KLHL1: variants seen among roughly 807,000 people sequenced by gnomAD.
KLHL1 encodes the protein kelch like family member 1.
KLHL1 carries 47 observed loss-of-function variants against 77.7 expected under a neutral mutation model. That is an observed-to-expected ratio of 0.60 (90% CI 0.48 to 0.77). KLHL1 has a LOEUF of 0.77. Among genes scored for constraint, KLHL1 ranks in the 30% least tolerant of loss-of-function variants. The pLI is 0.00. For synonymous variants in KLHL1, 360 were observed against 325.2 expected (o/e 1.11, Z -1.15); for missense variants, 925 against 910.8 (o/e 1.02, Z -0.20).
At chr13:69,986,318 A>G (rs915328216) in intron 1 of KLHL1, among the ~76,000 whole-genome samples, 10 of 152,064 alleles carry the variant, frequency 6.6e-5, no homozygotes, top group Non-Finnish European at 1.2e-4. Context: ...AAATAGCAAG[A>G]AGAGAGGGTT....
At chr13:69,807,941 C>T (rs1270031361) in intron 6 of KLHL1, among the ~76,000 whole-genome samples, 1 of 152,088 alleles carries the variant, frequency 6.6e-6, no homozygotes, top group Non-Finnish European at 1.5e-5. Flanking sequence ...CTCCTTAGCT[C>T]TGAAGAATAA....
chr13:70,092,655 T>C (rs1323943510), intron 1 of KLHL1, among the ~76,000 whole-genome samples: 1 of 152,190 alleles, frequency 6.6e-6, no homozygotes, highest in Non-Finnish European at 1.5e-5. Context: ...CATTCATACC[T>C]GTAATTAGTT....
At chr13:69,851,454 T>C (rs1291463611) in intron 5 of KLHL1, among the ~76,000 whole-genome samples, 1 of 151,728 alleles carries the variant, frequency 6.6e-6, no homozygotes, top group Non-Finnish European at 1.5e-5. Context: ...TATGAGTTTT[T>C]TGAAAGAAAC....
intron 5 of KLHL1, among the ~76,000 whole-genome samples, chr13:69,870,656 C>T (rs940344877): frequency 6.6e-6 from 1 of 151,846 alleles, no homozygotes; most frequent in African/African-American, 2.4e-5. Context: ...TTATTTATTT[C>T]CAAGATACAA....
chr13:69,945,391 C>T (rs2137246012), intron 3 of KLHL1, among the ~76,000 whole-genome samples: 1 of 150,994 alleles, frequency 6.6e-6, no homozygotes. Flanking sequence ...CCCTGCAAGA[C>T]TGAGCTAAGA....
intron 1 of KLHL1, among the ~76,000 whole-genome samples, chr13:70,027,384 T>C (rs1332902046): frequency 1.3e-4 from 6 of 46,252 alleles, no homozygotes; most frequent in Admixed American, 3.5e-4. Context: ...TGAAAGTGAA[T>C]GTTGTTTTTT....
intron 6 of KLHL1, among the ~76,000 whole-genome samples, chr13:69,830,663 A>G (rs1031645736): frequency 6.7e-6 from 1 of 150,250 alleles, no homozygotes; most frequent in African/African-American, 2.5e-5. Context: ...TCATCAGCAC[A>G]TGGAACATTC....
intron 3 of KLHL1, among the ~76,000 whole-genome samples, chr13:69,941,469 T>C (rs1883364069): frequency 6.6e-6 from 1 of 152,000 alleles, no homozygotes; most frequent in Non-Finnish European, 1.5e-5. Flanking sequence ...GGAAAGTTTA[T>C]AGCGATAAAT....
intron 7 of KLHL1, among the ~76,000 whole-genome samples, chr13:69,744,680 A>AT (rs1000860794): frequency 6.6e-5 from 10 of 151,600 alleles, no homozygotes; most frequent in African/African-American, 1.2e-4. Flanking sequence ...AGCTAACCGT[A>AT]TTTTTTTCAG....
At chr13:69,714,073 C>T (rs926565615) in intron 9 of KLHL1, among the ~76,000 whole-genome samples, 8 of 151,880 alleles carry the variant, frequency 5.3e-5, no homozygotes, top group Non-Finnish European at 7.4e-5. Flanking sequence ...TTTTAAATCC[C>T]CTCCTTAAAA....
In KLHL1 at chr13:69,939,378, T is replaced by TATACACACAC. The variant is rs1200160699; in HGVS notation, c.1014+661_1014+662insGTGTGTGTAT. Among the ~76,000 whole-genome samples, 88 of 70,784 alleles carry TATACACACAC rather than the reference T, an allele frequency of 1.2e-3. 1 individual carries two copies. Among genetic ancestry groups the TATACACACAC allele is most frequent in the Middle Eastern group, 7.9e-3 (1 of 126 alleles). The allele number at this position is 70,784 out of a possible 152,430, so 46.4% of individuals were successfully genotyped here. On this transcript the variant is annotated intron_variant, in intron 4 of 10. Transcript: ENST00000377844. ...ATATATATATATATATATATATATA[T>TATACACACAC]ACACACACACACGCACACACATACA...
intron 6 of KLHL1, among the ~76,000 whole-genome samples, chr13:69,833,365 T>C (rs923437802): frequency 1.3e-5 from 2 of 151,768 alleles, no homozygotes; most frequent in African/African-American, 2.4e-5. Context: ...ATGCTCAACA[T>C]CACTAATGAT....
At chr13:69,968,815 T>A (rs1202339490) in intron 2 of KLHL1, among the ~76,000 whole-genome samples, 2 of 152,060 alleles carry the variant, frequency 1.3e-5, no homozygotes, top group Non-Finnish European at 2.9e-5. Context: ...ATCGAGCCTA[T>A]CATTGTTGGA....
In KLHL1 at chr13:69,910,903, T is replaced by A. The variant is rs73510109; in HGVS notation, c.1015-28408A>T. 7.7e-3 allele frequency among the ~76,000 whole-genome samples: 1,174 copies of A among 152,208 alleles called. 20 individuals are homozygous for A. Among genetic ancestry groups the A allele is most frequent in the African/African-American group, 0.027 (1,122 of 41,558 alleles). On this transcript the variant is annotated intron_variant, in intron 4 of 10. Transcript: ENST00000377844. ...GAAATAAGCAATGAATTTGTTAGCA[T>A]ATGAAAAAGTGACTTCTGAATGAAA...
chr13:69,879,888 A>T (rs913594088), intron 5 of KLHL1, among the ~76,000 whole-genome samples: 1 of 152,200 alleles, frequency 6.6e-6, no homozygotes, highest in African/African-American at 2.4e-5. Context: ...AGTATCAACT[A>T]CATGGGGATT....
At chr13:70,039,796 T>C (rs758243304) in intron 1 of KLHL1, among the ~76,000 whole-genome samples, 10 of 152,096 alleles carry the variant, frequency 6.6e-5, no homozygotes, top group Admixed American at 2.0e-4. Flanking sequence ...TGTACCATCA[T>C]GCCTAGCTAA....
chr13:70,099,148 T>A (rs1017952620), intron 1 of KLHL1, among the ~76,000 whole-genome samples: 3 of 151,380 alleles, frequency 2.0e-5, no homozygotes, highest in Non-Finnish European at 4.4e-5. Context: ...TATGAGAAGT[T>A]TTTTAAGTTT....
intron 4 of KLHL1, among the ~76,000 whole-genome samples, chr13:69,907,475 A>G (rs889354167): frequency 6.6e-6 from 1 of 152,022 alleles, no homozygotes; most frequent in Non-Finnish European, 1.5e-5. Context: ...ACAATTGTTA[A>G]TAACATTTGT....
intron 1 of KLHL1, among the ~76,000 whole-genome samples, chr13:70,032,529 G>A (rs1886129235): frequency 6.6e-6 from 1 of 152,134 alleles, no homozygotes; most frequent in Non-Finnish European, 1.5e-5. Context: ...TGTCAAACAA[G>A]CTATATAAAA....
Sources: gnomAD v4.1 joint callset for allele counts (sites outside exome capture counted in the v4.1 genomes callset) on GRCh38, gnomAD v4.1.1 for gene constraint, MANE v1.5 for transcripts, NCBI Gene and HGNC (gene_info 2026-07-23, HGNC 2026-07-21) for gene names.